The following CREBBP variants were observed in gnomAD, a reference collection of about 807,000 sequenced individuals.
The protein encoded by CREBBP is CREB binding lysine acetyltransferase, also known as CREB-binding protein.
CREBBP carries 19 observed loss-of-function variants against 265.0 expected under a neutral mutation model. The ratio of observed to expected loss-of-function variants is 0.07; its 90% CI spans 0.05 to 0.11. The LOEUF is 0.11. CREBBP is among the 10% of genes least tolerant of loss of function. The pLI, the probability that CREBBP is intolerant of heterozygous loss-of-function variation, is 1.00. For synonymous variants in CREBBP, 1,457 were observed against 1,223.7 expected, an observed-to-expected ratio of 1.19 and a Z score of -3.98; for missense variants, 2,525 against 3,219.0, an observed-to-expected ratio of 0.78 and a Z score of 5.22.
At chr16:3,784,699 C>T (rs777137255) in intron 5 of CREBBP, among the ~76,000 whole-genome samples, 4 of 152,282 alleles carry the variant, frequency 2.6e-5, no homozygotes, top group South Asian at 2.1e-4. Context: ...TTCCATTTCC[C>T]GTAAACCCTT....
intron 2 of CREBBP, among the ~76,000 whole-genome samples, chr16:3,846,145 T>C (rs2054663688): frequency 6.6e-6 from 1 of 152,070 alleles, no homozygotes; most frequent in African/African-American, 2.4e-5. Context: ...TTAAGAGACT[T>C]AAGAATATAA....
intron 21 of CREBBP, 111 bp downstream of exon 21, chr16:3,749,516 A>G: frequency 1.4e-6 from 1 of 726,998 alleles, no homozygotes; most frequent in Non-Finnish European, 2.4e-6. Flanking sequence ...CAGAAATTCC[A>G]CTTACGGCAA....
At chr16:3,742,005 G>A (rs556750469) in intron 23 of CREBBP, 4 of 152,276 alleles carry the variant, frequency 2.6e-5, no homozygotes, top group South Asian at 2.1e-4. Context: ...GCGTGAACCC[G>A]GGAGGCAAGA....
At position 3,880,623 on chromosome 16, in the gene CREBBP, T is replaced by G. The variant is rs914112489; in HGVS notation, c.-707A>C. The G allele has an allele frequency of 6.9e-6, 1 of 145,396 alleles. No individual in the cohort carries two copies. Among genetic ancestry groups the G allele is most frequent in the African/African-American group, 2.5e-5 (1 of 39,980 alleles). The allele number at this position is 145,396 out of a possible 1,614,324, so 9.0% of individuals were successfully genotyped here. ...CGGGCGGAGCGGGGTGCGCGGGCGG[T>G]TGTGGGGCCCGGGACCGGCGGGGCC... is the stretch of plus-strand genomic sequence containing the variant. On this transcript the variant is annotated 5_prime_UTR_variant, in exon 1 of 31. Transcript: ENST00000262367.
chr16:3,729,243 G>A lies in CREBBP; in HGVS notation c.5804C>T (p.Thr1935Ile), dbSNP rs2151308115. The A allele has an allele frequency of 4.6e-6, 7 of 1,528,904 alleles. No individual in the cohort carries two copies. Among genetic ancestry groups the A allele is most frequent in the Non-Finnish European group, 6.1e-6 (7 of 1,143,056 alleles). 94.7% of individuals were successfully genotyped at this position (1,528,904 alleles called of 1,614,324 possible). ...CGGCACCTGGCTGGTAGGCTTCCCT[G>A]TGGACACCGTGGTGGGGGGCTGAGT... ...ARTQPPTTVS[T>I]GKPTSQVPAP... is the part of the protein sequence containing the mutation. The change falls in exon 31 of 31, where the codon ACA becomes ATA. Residue 1935 changes from threonine to isoleucine, a missense_variant. Physicochemically the swap from Thr to Ile is moderately conservative, Grantham distance 89. Around this residue, in one of 19 missense-constraint regions of CREBBP, gnomAD observed 275 missense variants for 276.5 expected, o/e 0.99. Transcript: ENST00000262367.
chr16:3,875,484 C>G (rs933148272), intron 1 of CREBBP, among the ~76,000 whole-genome samples: 1 of 152,064 alleles, frequency 6.6e-6, no homozygotes, highest in African/African-American at 2.4e-5. Flanking sequence ...AACACCAGAA[C>G]CAGAGGGAAA....
At position 3,850,749 on chromosome 16, in the gene CREBBP, T is replaced by C. The variant is rs587778211; in HGVS notation, c.346A>G (p.Ser116Gly). 6 of 1,614,108 alleles carry C rather than the reference T, an allele frequency of 3.7e-6. No individual in the cohort carries two copies. Among genetic ancestry groups the C allele is most frequent in the Non-Finnish European group, 5.1e-6 (6 of 1,180,042 alleles). The change falls in exon 2 of 31, where the codon AGT (serine) becomes GGT (glycine). Residue 116 changes from serine (S) to glycine (G), a missense_variant. Physicochemically the swap from Ser to Gly is moderately conservative, Grantham distance 56 (BLOSUM62 0). This residue lies in a region of CREBBP where 356 missense variants were observed against 340.4 expected (regional missense o/e 1.05). Transcript: ENST00000262367. ...QPNSANMASL[S>G]AMGKSPLSQG... ...CTCAGAGGGCTCTTGCCCATGGCAC[T>C]GAGGCTGGCCATGTTAGCACTGTTC...
intron 3 of CREBBP, among the ~76,000 whole-genome samples, chr16:3,796,146 T>C (rs570519835): frequency 6.6e-6 from 1 of 152,304 alleles, no homozygotes; most frequent in Admixed American, 6.5e-5. Context: ...CCAAAAAAAT[T>C]ATATAAAAAT....
Position 3,778,035 on chromosome 16 carries a change from G to T in CREBBP, c.2089C>A (p.Gln697Lys). The T allele has an allele frequency of 6.2e-7, 1 of 1,614,220 alleles. No individual in the cohort carries two copies. The highest frequency in any genetic ancestry group is 8.5e-7 in the Non-Finnish European group (1 of 1,179,994). Reference protein sequence around the residue: ...APGAQPPVIPQAQPVRPPNGP... With the variant: ...APGAQPPVIPKAQPVRPPNGP... The stretch of plus-strand genomic sequence containing the variant: ...CTTGGAGGTCTCACAGGTTGTGCCT[G>T]TGGAATCACAGGGGGCTGAGCCCCC... Residue 697 changes from glutamine (Q) to lysine (K), a missense_variant, in exon 10 of 31, where the codon CAG becomes AAG. Coordinates refer to ENST00000262367, the MANE Select transcript of CREBBP (RefSeq NM_004380.3).
intron 24 of CREBBP, 101 bp downstream of exon 24, chr16:3,740,298 T>C (rs1377784325): frequency 2.0e-6 from 3 of 1,465,992 alleles, no homozygotes; most frequent in South Asian, 1.1e-5. Context: ...TGCAAAGTCT[T>C]GGAAGGATGA....
intron 11 of CREBBP, among the ~76,000 whole-genome samples, chr16:3,776,225 T>C (rs2053135072): frequency 6.6e-6 from 1 of 152,176 alleles, no homozygotes; most frequent in Non-Finnish European, 1.5e-5. Context: ...GCCTGACTCC[T>C]TGATTTCTTT....
chr16:3,746,872 G>A (rs922126368), intron 21 of CREBBP, among the ~76,000 whole-genome samples: 1 of 152,162 alleles, frequency 6.6e-6, no homozygotes, highest in African/African-American at 2.4e-5. Context: ...TTGGGTCTGG[G>A]AGGTTGTGGC....
intron 3 of CREBBP, among the ~76,000 whole-genome samples, chr16:3,803,519 C>A (rs758017327): frequency 1.7e-4 from 26 of 150,986 alleles, no homozygotes; most frequent in East Asian, 3.9e-4. Flanking sequence ...ACAACAACAA[C>A]AAAAAAAACA....
At position 3,728,438 on chromosome 16, in the gene CREBBP, T is replaced by TTGCTGC. The variant is rs746121736; in HGVS notation, c.6603_6608dup (p.Gln2215_Gln2216dup). The TTGCTGC allele has an allele frequency of 1.2e-6, 2 of 1,612,630 alleles. No individual in the cohort carries two copies. Among genetic ancestry groups the TTGCTGC allele is most frequent in the South Asian group, 2.2e-5 (2 of 91,010 alleles). ...GTTGCTGCTGTTGTTGCTGCTGCTG[T>TTGCTGC]TGCTGCTGCTGCTGCAGCAGCTGCC... On this transcript the variant is annotated inframe_insertion, in exon 31 of 31. Coordinates refer to ENST00000262367, the MANE Select transcript of CREBBP (RefSeq NM_004380.3). The surrounding 1 kb of genome is among the most constrained non-coding windows in gnomAD (Gnocchi z 8.7).
intron 1 of CREBBP, among the ~76,000 whole-genome samples, chr16:3,878,261 C>T (rs565834915): frequency 5.9e-5 from 9 of 152,228 alleles, no homozygotes; most frequent in Non-Finnish European, 1.0e-4. Flanking sequence ...ATTAATGAAG[C>T]AACGGAGATC....
At chr16:3,849,788 C>A (rs1487567362) in intron 2 of CREBBP, among the ~76,000 whole-genome samples, 1 of 152,004 alleles carries the variant, frequency 6.6e-6, no homozygotes, top group Non-Finnish European at 1.5e-5. Flanking sequence ...CCAGGGGACC[C>A]CACTTGAAGA....
At position 3,839,191 on chromosome 16, in the gene CREBBP, G is replaced by A. The variant is rs73503920; in HGVS notation, c.798+11106C>T. Among the ~76,000 whole-genome samples, 453 of 152,272 alleles carry A rather than the reference G, an allele frequency of 3.0e-3. 4 individuals carry two copies. The highest frequency in any genetic ancestry group is 0.01 in the African/African-American group (423 of 41,540). Reference sequence around the variant, plus strand: ...AAGTTTCCCATAGCTAATAATTAGTGAACCCTGGATGTGAACTGAGTCAGC... The same window carrying A: ...AAGTTTCCCATAGCTAATAATTAGTAAACCCTGGATGTGAACTGAGTCAGC... On this transcript the variant is annotated intron_variant, in intron 2 of 30. Transcript: ENST00000262367.
intron 19 of CREBBP, 135 bp from the exon 20 acceptor site, chr16:3,751,941 G>T: frequency 1.3e-6 from 1 of 791,532 alleles, no homozygotes; most frequent in Non-Finnish European, 2.2e-6. Context: ...TGATGGGTCA[G>T]TGAGGACAAT....
chr16:3,838,489 T>C (rs1254555166), intron 2 of CREBBP, among the ~76,000 whole-genome samples: 3 of 152,202 alleles, frequency 2.0e-5, no homozygotes, highest in African/African-American at 7.2e-5. Flanking sequence ...GTTGTTATTA[T>C]GCTAAACATT....
Sources: gnomAD v4.1 joint callset for allele counts (sites outside exome capture counted in the v4.1 genomes callset) on GRCh38, gnomAD v4.1.1 for gene constraint, gnomAD v4.1.1 regional missense constraint, Gnocchi (gnomAD v3.1) non-coding constraint, MANE v1.5 for transcripts, NCBI Gene and HGNC (gene_info 2026-07-23, HGNC 2026-07-21) for gene names.